LIMS1: variants seen among roughly 807,000 people sequenced by gnomAD.
LIMS1 encodes LIM and senescent cell antigen-like-containing domain protein 1.
In LIMS1, 18 loss-of-function variants were observed where a neutral mutation model predicts 44.1. The ratio of observed to expected loss-of-function variants is 0.41; its 90% confidence interval spans 0.28 to 0.61. LIMS1 has a LOEUF of 0.61. LIMS1 is among the 20% of genes least tolerant of loss of function. The probability of loss-of-function intolerance (pLI) is 0.32; values close to 1 mark genes in which losing one functional copy is unlikely to be tolerated. For synonymous variants in LIMS1, 93 were observed against 149.1 expected (o/e 0.62, Z 2.74); for missense variants, 201 against 422.0 (o/e 0.48, Z 4.59).
chr2:108,666,797 AAATAAT>A (rs1044218340), intron 2 of LIMS1, among the ~76,000 whole-genome samples: 17 of 151,802 alleles, frequency 1.1e-4, no homozygotes, highest in African/African-American at 3.6e-4. Flanking sequence ...CTGAAAAAAA[AAATAAT>A]AATAATAAAA....
At chr2:108,652,306 G>A (rs554366601) in intron 1 of LIMS1, among the ~76,000 whole-genome samples, 1 of 152,304 alleles carries the variant, frequency 6.6e-6, no homozygotes, top group Non-Finnish European at 1.5e-5. Context: ...ATGCCCTTCA[G>A]CGGGTGAACA....
intron 5 of LIMS1, chr2:108,673,296 A>G: frequency 1.8e-6 from 1 of 557,454 alleles, no homozygotes. Flanking sequence ...GTGTGCCTGT[A>G]TACGCATACC....
At chr2:108,617,918 A>G (rs536327165) in intron 1 of LIMS1, among the ~76,000 whole-genome samples, 2 of 152,314 alleles carry the variant, frequency 1.3e-5, no homozygotes, top group East Asian at 1.9e-4. Context: ...AAAAGGACAG[A>G]AAGTTGTAAT....
intron 1 of LIMS1, among the ~76,000 whole-genome samples, chr2:108,645,941 GAGCTA>G (rs1439267409): frequency 6.6e-6 from 1 of 151,954 alleles, no homozygotes; most frequent in African/African-American, 2.4e-5. Context: ...GCAACAAGAA[GAGCTA>G]ACTATCCTAA....
intron 8 of LIMS1, among the ~76,000 whole-genome samples, chr2:108,679,388 G>C (rs1692794437): frequency 6.6e-6 from 1 of 152,072 alleles, no homozygotes; most frequent in Non-Finnish European, 1.5e-5. Context: ...GCTGAGACAG[G>C]AGAATCACCT....
chr2:108,554,061 C>G (rs1336706093), intron 1 of LIMS1, among the ~76,000 whole-genome samples: 4 of 152,102 alleles, frequency 2.6e-5, no homozygotes, highest in Non-Finnish European at 4.4e-5. Flanking sequence ...ATGTTGAGAC[C>G]TGGGCCCTGG....
chr2:108,605,328 C>A (rs1173440600), intron 1 of LIMS1, among the ~76,000 whole-genome samples: 1 of 152,134 alleles, frequency 6.6e-6, no homozygotes, highest in Admixed American at 6.5e-5. Context: ...AAGCTCGGTT[C>A]TTTGTTAATC....
At chr2:108,627,660 C>T (rs1252697705) in intron 1 of LIMS1, among the ~76,000 whole-genome samples, 2 of 152,182 alleles carry the variant, frequency 1.3e-5, no homozygotes, top group East Asian at 3.9e-4. Flanking sequence ...TGTGCTTTAC[C>T]TACCTGACTT....
chr2:108,541,315 T>C (rs1684307993), intron 1 of LIMS1, among the ~76,000 whole-genome samples: 1 of 152,254 alleles, frequency 6.6e-6, no homozygotes, highest in Admixed American at 6.5e-5. Context: ...GGCACATTGC[T>C]GTCCATTTTA....
At chr2:108,608,740 G>A (rs1454150452) in intron 1 of LIMS1, among the ~76,000 whole-genome samples, 2 of 152,136 alleles carry the variant, frequency 1.3e-5, no homozygotes, top group African/African-American at 2.4e-5. Flanking sequence ...CAGGGTAGTA[G>A]AGTGATCATA....
intron 1 of LIMS1, among the ~76,000 whole-genome samples, chr2:108,654,300 G>A (rs1690700885): frequency 6.6e-6 from 1 of 151,964 alleles, no homozygotes; most frequent in South Asian, 2.1e-4. Context: ...GATAGAGACT[G>A]AGAAACATCG....
At chr2:108,574,816 T>G (rs1685611545) in intron 1 of LIMS1, among the ~76,000 whole-genome samples, 1 of 152,178 alleles carries the variant, frequency 6.6e-6, no homozygotes, top group Admixed American at 6.5e-5. Context: ...CTTTTTCAGC[T>G]ACGTTTTTTT....
At chr2:108,579,394 A>G (rs1322833241) in intron 1 of LIMS1, among the ~76,000 whole-genome samples, 1 of 152,238 alleles carries the variant, frequency 6.6e-6, no homozygotes, top group Non-Finnish European at 1.5e-5. Flanking sequence ...TGAACTTATT[A>G]CTAGTCTGTA....
chr2:108,559,719 T>C (rs1258106801), intron 1 of LIMS1, among the ~76,000 whole-genome samples: 1 of 152,230 alleles, frequency 6.6e-6, no homozygotes, highest in Admixed American at 6.5e-5. Flanking sequence ...GTCTTCAACA[T>C]ACATTTGTGG....
chr2:108,612,660 C>T (rs1378023764), intron 1 of LIMS1, among the ~76,000 whole-genome samples: 1 of 152,144 alleles, frequency 6.6e-6, no homozygotes, highest in Admixed American at 6.6e-5. Context: ...AAGAGGAATA[C>T]TCATATGAGT....
At chr2:108,680,362 T>C (rs2149019457) in intron 8 of LIMS1, among the ~76,000 whole-genome samples, 1 of 110,222 alleles carries the variant, frequency 9.1e-6, no homozygotes, top group African/African-American at 3.9e-5. Context: ...CGAGATTCCG[T>C]CTCAAAAAAA....
At chr2:108,559,208 A>G (rs764034700) in intron 1 of LIMS1, among the ~76,000 whole-genome samples, 1 of 152,220 alleles carries the variant, frequency 6.6e-6, no homozygotes, top group Non-Finnish European at 1.5e-5. Flanking sequence ...ATGAAGATAC[A>G]TAATCACAAT....
intron 2 of LIMS1, among the ~76,000 whole-genome samples, chr2:108,664,464 T>A (rs546612864): frequency 6.6e-5 from 10 of 152,364 alleles, no homozygotes; most frequent in African/African-American, 1.9e-4. Context: ...TCTTAAGGCA[T>A]TTTGTTTATA....
Position 108,564,442 on chromosome 2 carries a change from G to A in LIMS1, c.32+29848G>A, listed in dbSNP as rs149716340. 2.1e-3 allele frequency among the ~76,000 whole-genome samples: 318 copies of A among 152,204 alleles called. 3 individuals are homozygous for A. The highest frequency in any genetic ancestry group is 7.3e-3 in the African/African-American group (303 of 41,536). The stretch of plus-strand genomic sequence containing the variant: ...CTGAAACTGAACCCTTAGTAGCTCC[G>A]AGGTATGCCTGTATAGAGATAGATA... On this transcript the variant is annotated intron_variant, in intron 1 of 9. Coordinates refer to ENST00000544547, the Ensembl canonical transcript of LIMS1.
Sources: allele counts gnomAD v4.1 joint callset (sites outside exome capture counted in the v4.1 genomes callset), GRCh38; gene constraint gnomAD v4.1.1; transcripts MANE v1.5; gene names NCBI Gene and HGNC (gene_info 2026-07-23, HGNC 2026-07-21).